The following RACGAP1 variants were observed in gnomAD, a reference collection of about 807,000 sequenced individuals.
RACGAP1 encodes the protein Rac GTPase activating protein 1, also known as rac GTPase-activating protein 1.
In RACGAP1, 30 loss-of-function variants were observed where a neutral mutation model predicts 78.1. The ratio of observed to expected loss-of-function variants is 0.38; its 90% CI spans 0.29 to 0.52. The LOEUF (loss-of-function observed/expected upper bound fraction) is 0.52. RACGAP1 is among the 20% of genes least tolerant of loss of function. The pLI is 0.82. For missense variants in RACGAP1, 587 were observed against 777.1 expected, an observed-to-expected ratio of 0.76 and a Z score of 2.91; for synonymous variants, 231 against 264.8, an observed-to-expected ratio of 0.87 and a Z score of 1.24.
intron 1 of RACGAP1, among the ~76,000 whole-genome samples, chr12:50,019,167 G>GT (rs1949854799): frequency 1.3e-5 from 2 of 151,954 alleles, no homozygotes; most frequent in South Asian, 4.1e-4. Context: ...CTTCTCTCAT[G>GT]TATCTACCAT....
At chr12:49,995,058 T>C (rs1565661904) in intron 10 of RACGAP1, among the ~76,000 whole-genome samples, 8 of 152,022 alleles carry the variant, frequency 5.3e-5, no homozygotes, top group African/African-American at 2.4e-5. Flanking sequence ...GTAAAAAAAA[T>C]GTACAGGCGG....
chr12:50,030,366 A>G (rs1950320925), upstream of RACGAP1, among the ~76,000 whole-genome samples: 1 of 145,484 alleles, frequency 6.9e-6, no homozygotes, highest in African/African-American at 2.7e-5. Context: ...AAAAAAAAAA[A>G]GCAGCTATAT....
At position 49,990,163 on chromosome 12, in the gene RACGAP1, G is replaced by A; in HGVS notation, c.*105C>T. On this transcript the variant is annotated 3_prime_UTR_variant, in exon 17 of 17. Transcript: ENST00000312377. Reference sequence around the variant, plus strand: ...ACAATTAAACTTGAGTAAAAGCCTGGAGAATGCTAAAAGTAGTAATGAGTA... The same window carrying A: ...ACAATTAAACTTGAGTAAAAGCCTGAAGAATGCTAAAAGTAGTAATGAGTA... 1.1e-6 allele frequency: 1 copy of A among 913,298 alleles called. No homozygotes were observed. Among genetic ancestry groups the A allele is most frequent in the Non-Finnish European group, 1.7e-6 (1 of 584,976 alleles). 56.6% of individuals were successfully genotyped at this position (913,298 alleles called of 1,614,324 possible).
At chr12:50,012,375 A>G (rs1949395514) in intron 2 of RACGAP1, among the ~76,000 whole-genome samples, 1 of 151,994 alleles carries the variant, frequency 6.6e-6, no homozygotes. Flanking sequence ...CCTGGCTAAC[A>G]TGGTGAGATC....
At chr12:50,012,201 T>G (rs553153703) in intron 2 of RACGAP1, among the ~76,000 whole-genome samples, 4 of 152,116 alleles carry the variant, frequency 2.6e-5, no homozygotes, top group African/African-American at 9.6e-5. Context: ...CCAAGGCGGT[T>G]GGATCACCTG....
At chr12:50,031,432 T>C (rs1322336620) in intron 2 of RACGAP1, among the ~76,000 whole-genome samples, 1 of 144,122 alleles carries the variant, frequency 6.9e-6, no homozygotes, top group East Asian at 2.1e-4. Flanking sequence ...TGAGCCGAGA[T>C]TGCACCACTG....
intron 3 of RACGAP1, among the ~76,000 whole-genome samples, chr12:50,005,869 G>T (rs931190039): frequency 6.6e-6 from 1 of 152,174 alleles, no homozygotes; most frequent in African/African-American, 2.4e-5. Context: ...TACCAAGATG[G>T]ATTAGTCCCT....
At chr12:50,000,019 T>TG (rs1261629780) in intron 7 of RACGAP1, among the ~76,000 whole-genome samples, 1 of 8,012 alleles carries the variant, frequency 1.2e-4, no homozygotes, top group African/African-American at 5.7e-4. Context: ...ACCTGACTGA[T>TG]TTTTTTTTTT....
intron 3 of RACGAP1, 75 bp downstream of exon 3, chr12:50,006,358 TG>T: frequency 6.7e-7 from 1 of 1,502,544 alleles, no homozygotes; most frequent in Non-Finnish European, 9.3e-7. Context: ...TAGGTATATT[TG>T]GCAAGTGGAA....
chr12:49,995,547 C>T (rs1432696269), intron 10 of RACGAP1, among the ~76,000 whole-genome samples: 1 of 151,398 alleles, frequency 6.6e-6, no homozygotes, highest in Non-Finnish European at 1.5e-5. Context: ...GGCTGGAGTG[C>T]AGTGGTGTGA....
At chr12:50,026,317 A>G (rs937205882), upstream of RACGAP1, among the ~76,000 whole-genome samples, 2 of 152,134 alleles carry the variant, frequency 1.3e-5, no homozygotes, top group Admixed American at 6.5e-5. Context: ...GTTTAAAGGA[A>G]AGATCACTTA....
At chr12:49,998,340 G>A (rs562567141) in intron 9 of RACGAP1, among the ~76,000 whole-genome samples, 1 of 151,948 alleles carries the variant, frequency 6.6e-6, no homozygotes, top group African/African-American at 2.4e-5. Flanking sequence ...GGAGGCAGAG[G>A]TTGCAGTGAG....
chr12:49,989,729 A>C lies in RACGAP1; in HGVS notation c.*539T>G, dbSNP rs1947712639. The stretch of plus-strand genomic sequence containing the variant: ...CCTCAATGCATCCCATTTTTATGAA[A>C]GCTCCATATTATAGCTCAGTTCATA... On this transcript the variant is annotated 3_prime_UTR_variant, in exon 17 of 17. Transcript: ENST00000312377. The C allele has an allele frequency of 6.5e-6, 1 of 152,686 alleles. No individual in the cohort carries two copies. The highest frequency in any genetic ancestry group is 1.5e-5 in the Non-Finnish European group (1 of 68,422). 9.5% of individuals were successfully genotyped at this position (152,686 alleles called of 1,614,324 possible).
intron 1 of RACGAP1, among the ~76,000 whole-genome samples, chr12:50,024,274 A>T (rs1220862451): frequency 1.3e-5 from 2 of 152,250 alleles, no homozygotes; most frequent in Non-Finnish European, 1.5e-5. Flanking sequence ...TCAACGAAGG[A>T]TTGGATAAAG....
upstream of RACGAP1, chr12:50,025,580 A>T (rs557767860): frequency 8.2e-6 from 8 of 976,874 alleles, no homozygotes; most frequent in South Asian, 1.4e-4. Flanking sequence ...CGCGGAGGTG[A>T]CGGGAACGGG....
At position 50,004,315 on chromosome 12, in the gene RACGAP1, G is replaced by A. The variant is rs757098296; in HGVS notation, c.426-11C>T. On this transcript the variant is annotated splice_polypyrimidine_tract_variant and intron_variant, in intron 4 of 16. Transcript: ENST00000312377. ...TCAATGGTTGATAGTCTAGATCAGTGAAACAATACAACGTTAGACATGGTA... is the reference window on the plus strand; with the variant it reads ...TCAATGGTTGATAGTCTAGATCAGTAAAACAATACAACGTTAGACATGGTA... 2.3e-5 allele frequency: 36 copies of A among 1,585,598 alleles called. No individual in the cohort carries two copies. Among genetic ancestry groups the A allele is most frequent in the Non-Finnish European group, 3.0e-5 (35 of 1,158,778 alleles).
rs139511040 is a variant in RACGAP1, at chr12:50,006,612, A to T, written c.110T>A (p.Phe37Tyr). 6.3e-5 allele frequency: 101 copies of T among 1,614,136 alleles called. No homozygotes were observed. The African/African-American group carries it at 1.2e-3, about 19-fold the overall frequency. ...EVQFIQLAKDFEDFRKKWQRT... is the reference protein window; with the variant it reads ...EVQFIQLAKDYEDFRKKWQRT... ...CTGCCACTTTTTACGGAAATCCTCAAAGTCCTTCGCCAACTGGATAAATTC... is the reference window on the plus strand; with the variant it reads ...CTGCCACTTTTTACGGAAATCCTCATAGTCCTTCGCCAACTGGATAAATTC... Residue 37 changes from phenylalanine to tyrosine, a missense_variant, in exon 3 of 17, where the codon TTT becomes TAT. Physicochemically the swap from Phe to Tyr is conservative, Grantham distance 22. Transcript: ENST00000312377.
At chr12:50,006,410 T>C (rs1948977984) in intron 3 of RACGAP1, 24 bp downstream of exon 3, 1 of 1,613,266 alleles carries the variant, frequency 6.2e-7, no homozygotes, top group Non-Finnish European at 8.5e-7. Flanking sequence ...TCATCACTGT[T>C]CTAGCACGGA....
Position 49,992,576 on chromosome 12 carries a change from T to C in RACGAP1, c.1419A>G (p.Leu473=), listed in dbSNP as rs747785439. ...TCTGCAAGTGAATCATGAGGAAAGC[T>C]AATGTGTCCCTGTTGGCCTGGGGCA... The part of the protein sequence containing the change: ...GELPQANRDT[L]AFLMIHLQRV... The change falls in exon 13 of 17, where the codon TTA becomes TTG. Residue 473 remains leucine, a synonymous_variant. Coordinates refer to ENST00000312377, the MANE Select transcript of RACGAP1 (RefSeq NM_001319999.2). 42 of 1,614,034 alleles carry C rather than the reference T, an allele frequency of 2.6e-5. No individual in the cohort carries two copies. The highest frequency in any genetic ancestry group is 1.6e-4 in the Middle Eastern group (1 of 6,082).
Sources: allele counts gnomAD v4.1 joint callset (sites outside exome capture counted in the v4.1 genomes callset), GRCh38; gene constraint gnomAD v4.1.1; transcripts MANE v1.5; gene names NCBI Gene and HGNC (gene_info 2026-07-23, HGNC 2026-07-21).